Variants in HNF4A observed in about 807,000 individuals in gnomAD.
The protein encoded by HNF4A is hepatocyte nuclear factor 4 alpha.
In HNF4A, 15 loss-of-function variants were observed where a neutral mutation model predicts 52.4. The ratio of observed to expected loss-of-function variants is 0.29; its 90% CI spans 0.19 to 0.44. The LOEUF is 0.44. Ranked by LOEUF, HNF4A falls within the 20% of genes least tolerant of loss-of-function variation. The pLI is 1.00. For missense variants in HNF4A, 479 were observed against 647.2 expected, an observed-to-expected ratio of 0.74 and a Z score of 2.82; for synonymous variants, 280 against 264.4, an observed-to-expected ratio of 1.06 and a Z score of -0.57.
At chr20:44,385,551 C>T (rs2063212771) in intron 1 of HNF4A, among the ~76,000 whole-genome samples, 1 of 151,990 alleles carries the variant, frequency 6.6e-6, no homozygotes, top group Non-Finnish European at 1.5e-5. Context: ...TCACTGCAAC[C>T]TCCGCCTCCC....
At chr20:44,417,613 T>A (rs187240984) in intron 5 of HNF4A, among the ~76,000 whole-genome samples, 1 of 152,252 alleles carries the variant, frequency 6.6e-6, no homozygotes, top group Admixed American at 6.5e-5. Context: ...TGGAGCTTTT[T>A]AAACACAGAT....
chr20:44,418,299 A>T, intron 5 of HNF4A, 126 bp from the exon 6 acceptor site: 2 of 794,118 alleles, frequency 2.5e-6, no homozygotes, highest in South Asian at 2.7e-5. Context: ...TATGATGCCC[A>T]TTTCACAGTT....
intron 1 of HNF4A, among the ~76,000 whole-genome samples, chr20:44,362,716 G>A (rs142474391): frequency 1.7e-4 from 26 of 152,058 alleles, no homozygotes; most frequent in African/African-American, 6.3e-4. Flanking sequence ...CTTGCAAATA[G>A]GTGATTAAAA....
In HNF4A at chr20:44,429,589, C is replaced by A; in HGVS notation, c.1349C>A (p.Pro450Gln). ...GGGTCTGAGCCCTATAAGCTCCTGC[C>A]GGGAGCCGTCGCCACAATCGTCAAG... The change falls in exon 10 of 10, where the codon CCG becomes CAG. Residue 450 changes from proline to glutamine, a missense_variant. Coordinates refer to ENST00000316099, the MANE Select transcript of HNF4A (RefSeq NM_000457.6). 2 of 1,614,002 alleles carry A rather than the reference C, an allele frequency of 1.2e-6. No homozygotes were observed. The highest frequency in any genetic ancestry group is 1.7e-6 in the Non-Finnish European group (2 of 1,179,966).
At position 44,427,234 on chromosome 20, in the gene HNF4A, T is replaced by G. The variant is rs1168304055; in HGVS notation, c.1130-1101T>G. On this transcript the variant is annotated intron_variant, in intron 8 of 9. Coordinates refer to ENST00000316099, the MANE Select transcript of HNF4A (RefSeq NM_000457.6). ...TGTTATGTGATAGCTCATTTCATTC[T>G]CACTTTGACCCTGTGAACATGGGGT... is the stretch of plus-strand genomic sequence containing the variant. 6.6e-5 allele frequency among the ~76,000 whole-genome samples: 10 copies of G among 152,240 alleles called. No homozygotes were observed. In the South Asian group the frequency reaches 1.4e-3, roughly 22 times the overall value.
chr20:44,374,336 A>G (rs1225973717), intron 1 of HNF4A, among the ~76,000 whole-genome samples: 3 of 151,786 alleles, frequency 2.0e-5, no homozygotes, highest in African/African-American at 4.8e-5. Context: ...TTTTTTTGAC[A>G]CTGTCCTTGA....
chr20:44,420,605 C>A (rs189641204), intron 7 of HNF4A, among the ~76,000 whole-genome samples: 26 of 152,168 alleles, frequency 1.7e-4, no homozygotes, highest in Non-Finnish European at 3.7e-4. Context: ...CATAACAAGA[C>A]CTCGTCTCTA....
At chr20:44,397,239 A>G (rs796089023), upstream of HNF4A, among the ~76,000 whole-genome samples, 14 of 152,194 alleles carry the variant, frequency 9.2e-5, no homozygotes, top group South Asian at 2.1e-4. Flanking sequence ...ATATGAAAGC[A>G]CCTAAGCATT....
chr20:44,358,619 CAAAA>C (rs11470383), intron 1 of HNF4A, among the ~76,000 whole-genome samples: 24,494 of 151,834 alleles, frequency 0.16, 2,343 homozygotes, highest in Middle Eastern at 0.26. Flanking sequence ...TCAAAAAAAA[CAAAA>C]CAAAACAAAA....
In HNF4A at chr20:44,432,817, A is replaced by G. The variant is rs2063894392; in HGVS notation, c.*3152A>G. The G allele has an allele frequency of 6.6e-6, 1 of 152,188 alleles. No homozygotes were observed. The highest frequency in any genetic ancestry group is 2.4e-5 in the African/African-American group (1 of 41,438). 9.4% of individuals were successfully genotyped at this position (152,188 alleles called of 1,614,324 possible). ...CTGTGTTTTAACAAAAGTTTATAAAACAAAATAAATGGCGCATATGTTTTC... is the reference window on the plus strand; with the variant it reads ...CTGTGTTTTAACAAAAGTTTATAAAGCAAAATAAATGGCGCATATGTTTTC... On this transcript the variant is annotated 3_prime_UTR_variant, in exon 10 of 10. Coordinates refer to ENST00000316099, the MANE Select transcript of HNF4A (RefSeq NM_000457.6).
intron 1 of HNF4A, among the ~76,000 whole-genome samples, chr20:44,368,713 AC>A (rs1288622855): frequency 6.6e-6 from 1 of 152,234 alleles, no homozygotes; most frequent in African/African-American, 2.4e-5. Flanking sequence ...TTACCATGTT[AC>A]AGTGAAGATT....
At chr20:44,402,104 C>G (rs1484631661) in intron 1 of HNF4A, among the ~76,000 whole-genome samples, 1 of 151,808 alleles carries the variant, frequency 6.6e-6, no homozygotes, top group Admixed American at 6.6e-5. Context: ...TGGGGTGATG[C>G]CTTCAGGAAC....
chr20:44,411,041 C>A (rs553431686), intron 3 of HNF4A, among the ~76,000 whole-genome samples: 3 of 152,218 alleles, frequency 2.0e-5, no homozygotes, highest in African/African-American at 7.2e-5. Flanking sequence ...GTCAAGAATT[C>A]TTTCCTGCAA....
chr20:44,398,855 T>G (rs1175926614), upstream of HNF4A, among the ~76,000 whole-genome samples: 1 of 152,232 alleles, frequency 6.6e-6, no homozygotes, highest in Admixed American at 6.5e-5. Context: ...AAATGCATTG[T>G]TATTTTTGTT....
Position 44,419,654 on chromosome 20 carries a change from C to T in HNF4A, c.737-67C>T, listed in dbSNP as rs879833108. The T allele has an allele frequency of 3.9e-6, 6 of 1,534,942 alleles. No homozygotes were observed. In the Admixed American group the frequency reaches 6.7e-5, roughly 17 times the overall value. ...ACCAGCTATCTTGCCAACTTAAAAG[C>T]CAAAACTAGAGGAGAGGGGTCAACC... On this transcript the variant is annotated intron_variant, in intron 6 of 9. Coordinates refer to ENST00000316099, the MANE Select transcript of HNF4A (RefSeq NM_000457.6).
intron 9 of HNF4A, 70 bp downstream of exon 9, chr20:44,428,557 TG>T: frequency 2.0e-6 from 3 of 1,481,164 alleles, no homozygotes; most frequent in Non-Finnish European, 2.8e-6. Flanking sequence ...CAGGAGAAAG[TG>T]GAGTCTAGAA....
chr20:44,371,304 T>C (rs1012417710), intron 1 of HNF4A, among the ~76,000 whole-genome samples: 13 of 152,076 alleles, frequency 8.5e-5, no homozygotes, highest in African/African-American at 2.9e-4. Context: ...TGAGACGGAG[T>C]CTCAATCTTG....
intron 3 of HNF4A, among the ~76,000 whole-genome samples, chr20:44,413,046 C>T (rs1282309663): frequency 6.6e-6 from 1 of 152,188 alleles, no homozygotes; most frequent in Non-Finnish European, 1.5e-5. Context: ...GAAGGATCAT[C>T]TTCTATCTCA....
At chr20:44,415,416 C>G (rs1282178597) in intron 5 of HNF4A, among the ~76,000 whole-genome samples, 1 of 152,076 alleles carries the variant, frequency 6.6e-6, no homozygotes, top group Non-Finnish European at 1.5e-5. Context: ...TGAAATGTCC[C>G]TAGGGGGAAG....
Sources: gnomAD v4.1 joint callset for allele counts (sites outside exome capture counted in the v4.1 genomes callset) on GRCh38, gnomAD v4.1.1 for gene constraint, MANE v1.5 for transcripts, NCBI Gene and HGNC (gene_info 2026-07-23, HGNC 2026-07-21) for gene names.